ZRANB3: variants seen among roughly 807,000 people sequenced by gnomAD.
ZRANB3 encodes the protein DNA annealing helicase and endonuclease ZRANB3.
Under a neutral mutation model 133.8 loss-of-function variants are expected in ZRANB3, and 125 were observed. The observed-to-expected ratio is 0.93, with a 90% CI of 0.81 to 1.08. The LOEUF (loss-of-function observed/expected upper bound fraction) is 1.08. ZRANB3 is among the 50% of genes least tolerant of loss of function. The probability of loss-of-function intolerance (pLI) is 0.00; values close to 1 mark genes in which losing one functional copy is unlikely to be tolerated. For missense variants in ZRANB3, 1,229 were observed against 1,275.5 expected (o/e 0.96, Z 0.56); for synonymous variants, 387 against 432.7 (o/e 0.89, Z 1.31).
intron 8 of ZRANB3, among the ~76,000 whole-genome samples, chr2:135,283,913 T>C (rs1300293508): frequency 6.6e-6 from 1 of 151,918 alleles, no homozygotes; most frequent in Non-Finnish European, 1.5e-5. Flanking sequence ...GCCCGGAAGT[T>C]AGAGGATGCA....
At chr2:135,204,399 T>C (rs1693764784) in intron 19 of ZRANB3, among the ~76,000 whole-genome samples, 1 of 152,110 alleles carries the variant, frequency 6.6e-6, no homozygotes, top group African/African-American at 2.4e-5. Context: ...GCCCCCACTC[T>C]GACAGACTCA....
At chr2:135,389,570 T>C (rs947797092) in intron 3 of ZRANB3, among the ~76,000 whole-genome samples, 1 of 151,930 alleles carries the variant, frequency 6.6e-6, no homozygotes, top group Non-Finnish European at 1.5e-5. Context: ...CTGGGCGTGG[T>C]GGTGCGCGCC....
chr2:135,323,142 A>G (rs2104836353), intron 6 of ZRANB3, among the ~76,000 whole-genome samples: 1 of 152,324 alleles, frequency 6.6e-6, no homozygotes, highest in South Asian at 2.1e-4. Flanking sequence ...AAACAATTAT[A>G]AACAAATTTT....
At position 135,202,836 on chromosome 2, in the gene ZRANB3, TTG is replaced by T. The variant is rs766584385; in HGVS notation, c.3135_3136del (p.His1045GlnfsTer9). 5 of 1,607,448 alleles carry T rather than the reference TTG, an allele frequency of 3.1e-6. No individual in the cohort carries two copies. The South Asian group carries it at 5.6e-5, about 18-fold the overall frequency. On this transcript the variant is annotated frameshift_variant, in exon 20 of 21. Transcript: ENST00000264159. LOFTEE classifies it high-confidence loss of function. ...CTATATGAGAGCTTCACTGACCTCT[TTG>T]TGACAGACTGTGCAGAGAGTCTGCA...
intron 3 of ZRANB3, among the ~76,000 whole-genome samples, chr2:135,354,322 C>G (rs1322204984): frequency 6.6e-6 from 1 of 152,128 alleles, no homozygotes; most frequent in Non-Finnish European, 1.5e-5. Context: ...ACAAAACAAG[C>G]AGACATAGAG....
intron 3 of ZRANB3, among the ~76,000 whole-genome samples, chr2:135,379,350 C>T (rs2104909528): frequency 6.6e-6 from 1 of 152,248 alleles, no homozygotes; most frequent in Non-Finnish European, 1.5e-5. Context: ...TTCCTTTGAG[C>T]CCTATGTCTT....
intron 2 of ZRANB3, among the ~76,000 whole-genome samples, chr2:135,458,752 A>G (rs1477122807): frequency 6.6e-6 from 1 of 152,154 alleles, no homozygotes; most frequent in African/African-American, 2.4e-5. Context: ...TAAATTCAAT[A>G]GTATCACTAA....
At chr2:135,290,864 T>A (rs1434475128) in intron 8 of ZRANB3, among the ~76,000 whole-genome samples, 3 of 152,216 alleles carry the variant, frequency 2.0e-5, no homozygotes, top group Non-Finnish European at 4.4e-5. Context: ...CAGGGATGGT[T>A]TCCTTGATTA....
At chr2:135,484,112 T>C (rs1691979214) in intron 2 of ZRANB3, among the ~76,000 whole-genome samples, 1 of 152,214 alleles carries the variant, frequency 6.6e-6, no homozygotes. Flanking sequence ...GAGAGCTCTG[T>C]AGATGTCTAT....
At chr2:135,493,601 C>T (rs890088405) in intron 2 of ZRANB3, among the ~76,000 whole-genome samples, 28 of 152,076 alleles carry the variant, frequency 1.8e-4, no homozygotes, top group Admixed American at 3.9e-4. Flanking sequence ...CAAAGTAAAA[C>T]ATAATAAGCT....
chr2:135,359,578 GAA>G (rs570839628), intron 3 of ZRANB3, among the ~76,000 whole-genome samples: 5 of 90,642 alleles, frequency 5.5e-5, no homozygotes, highest in African/African-American at 1.9e-4. Context: ...ATGAGACCCT[GAA>G]AAAAAAAAAA....
At chr2:135,411,600 T>C (rs1465091859) in intron 2 of ZRANB3, among the ~76,000 whole-genome samples, 1 of 152,154 alleles carries the variant, frequency 6.6e-6, no homozygotes, top group East Asian at 1.9e-4. Context: ...AACAAAACGA[T>C]GTCCTTTGCA....
At chr2:135,412,583 C>G (rs892150000) in intron 2 of ZRANB3, among the ~76,000 whole-genome samples, 9 of 151,956 alleles carry the variant, frequency 5.9e-5, no homozygotes, top group Non-Finnish European at 1.3e-4. Flanking sequence ...CAGGCATAAT[C>G]AAGTTTTTTG....
chr2:135,219,517 T>C (rs190626085), intron 15 of ZRANB3, among the ~76,000 whole-genome samples: 58 of 152,362 alleles, frequency 3.8e-4, no homozygotes, highest in Non-Finnish European at 6.2e-4. Context: ...ATTTGTACAC[T>C]GCAAATTAAT....
chr2:135,462,592 T>C (rs1574141004), intron 2 of ZRANB3, among the ~76,000 whole-genome samples: 1 of 149,386 alleles, frequency 6.7e-6, no homozygotes, highest in South Asian at 2.1e-4. Context: ...CCTCTCTCTC[T>C]CTTTTTCTTT....
At chr2:135,286,390 T>C (rs1681367530) in intron 8 of ZRANB3, among the ~76,000 whole-genome samples, 1 of 152,122 alleles carries the variant, frequency 6.6e-6, no homozygotes, top group Non-Finnish European at 1.5e-5. Context: ...CAATTCTCCT[T>C]CCTCAACCTC....
rs146061730 is a variant in ZRANB3, at chr2:135,355,707, C to T, written c.181-2079G>A. On this transcript the variant is annotated intron_variant, in intron 3 of 20. Coordinates refer to ENST00000264159, the MANE Select transcript of ZRANB3 (RefSeq NM_032143.4). ...AGAGTTATTCAGTGTGCCACTTCCC[C>T]GCCTCAACAACTCTGCCAAAAACAG... 3.3e-5 allele frequency among the ~76,000 whole-genome samples: 5 copies of T among 152,200 alleles called. No homozygotes were observed. The East Asian group carries it at 5.8e-4, about 18-fold the overall frequency.
chr2:135,527,028 A>C (rs560199844), intron 1 of ZRANB3, among the ~76,000 whole-genome samples: 2 of 152,250 alleles, frequency 1.3e-5, no homozygotes, highest in South Asian at 4.1e-4. Flanking sequence ...GCATTTCTTA[A>C]ATGTATTTGA....
chr2:135,451,930 G>C (rs996967366), intron 2 of ZRANB3, among the ~76,000 whole-genome samples: 3 of 152,172 alleles, frequency 2.0e-5, no homozygotes, highest in African/African-American at 7.2e-5. Flanking sequence ...CATTGTAGAA[G>C]AAAAGATTAG....
Sources: allele counts gnomAD v4.1 joint callset (sites outside exome capture counted in the v4.1 genomes callset), GRCh38; gene constraint gnomAD v4.1.1; transcripts MANE v1.5; gene names NCBI Gene and HGNC (gene_info 2026-07-23, HGNC 2026-07-21).